The following CAPN15 variants were observed in gnomAD, a reference collection of about 807,000 sequenced individuals.
CAPN15 encodes calpain 15, also known as calpain-15.
A neutral mutation model predicts 97.9 loss-of-function variants in CAPN15; 53 were observed. That is an observed-to-expected ratio of 0.54 (90% CI 0.43 to 0.68). The LOEUF (loss-of-function observed/expected upper bound fraction) is 0.68, where lower values mean the gene tolerates loss of function less well. Ranked by LOEUF, CAPN15 falls within the 30% of genes least tolerant of loss-of-function variation. The pLI is 0.00. For missense variants in CAPN15, 1,592 were observed against 1,589.8 expected, an observed-to-expected ratio of 1.00 and a Z score of -0.02; for synonymous variants, 922 against 722.5, an observed-to-expected ratio of 1.28 and a Z score of -4.43.
At position 552,801 on chromosome 16, in the gene CAPN15, T is replaced by TGGGGGG; in HGVS notation, c.2904+34_2904+35insGGGGGG. 1 of 1,504,546 alleles carries TGGGGGG rather than the reference T, an allele frequency of 6.6e-7. No homozygotes were observed. Among genetic ancestry groups the TGGGGGG allele is most frequent in the Non-Finnish European group, 8.9e-7 (1 of 1,119,170 alleles). 93.2% of individuals were successfully genotyped at this position (1,504,546 alleles called of 1,614,324 possible). A position where few individuals can be genotyped will look rare whatever the true frequency, so the allele number is the denominator to read the frequency against. On this transcript the variant is annotated intron_variant, in intron 12 of 13. Transcript: ENST00000219611. This position sits in a 1 kb window ranked among gnomAD's most constrained non-coding sequence, Gnocchi z 6.4. ...GTGGGGGTCCCGGGGGAGGGTGGCGTGGGGCAGGGGGAGTATGCCCCAGCA... is the reference window on the plus strand; with the variant it reads ...GTGGGGGTCCCGGGGGAGGGTGGCGTGGGGGGGGGGCAGGGGGAGTATGCCCCAGCA...
intron 1 of CAPN15, among the ~76,000 whole-genome samples, chr16:530,633 G>A (rs1241378480): frequency 2.0e-5 from 3 of 152,182 alleles, no homozygotes; most frequent in Admixed American, 6.5e-5. Context: ...GAGACCTCCC[G>A]GTGCGTGGCC....
At chr16:545,327 C>T (rs779374211) in intron 3 of CAPN15, among the ~76,000 whole-genome samples, 1 of 151,970 alleles carries the variant, frequency 6.6e-6, no homozygotes, top group Non-Finnish European at 1.5e-5. Flanking sequence ...GGGGCCCTGC[C>T]GAGGTCTCCC....
rs780136051 is a variant in CAPN15, at chr16:552,417, C to T, written c.2624C>T (p.Ala875Val). 33 of 1,609,550 alleles carry T rather than the reference C, an allele frequency of 2.1e-5. No individual in the cohort carries two copies. The highest frequency in any genetic ancestry group is 1.6e-4 in the Middle Eastern group (1 of 6,080). The change falls in exon 11 of 14, where the codon GCG (alanine) becomes GTG (valine). Residue 875 changes from alanine (A) to valine (V), a missense_variant. By Grantham distance (64) the Ala-to-Val change is moderately conservative (BLOSUM62 0). This residue lies in a region of CAPN15 where 644 missense variants were observed against 699.6 expected (regional missense o/e 0.92). Transcript: ENST00000219611. The surrounding 1 kb of genome is among the most constrained non-coding windows in gnomAD (Gnocchi z 6.4). ...CGCCTCCTGGCCCACAGTAAGCGCG[C>T]GGTCAAGAAGTTCGTCAGCTGCGAC... Reference protein sequence around the residue: ...LGRLLAHSKRAVKKFVSCDVM... With the variant: ...LGRLLAHSKRVVKKFVSCDVM...
Position 536,026 on chromosome 16 carries a change from C to A in CAPN15, c.-136-3C>A. Reference sequence around the variant, plus strand: ...ACGCCCCCCCCCCCCCCCGGTTATTCAGACAGGGAGCCAGGATGGGAACCA... The same window carrying A: ...ACGCCCCCCCCCCCCCCCGGTTATTAAGACAGGGAGCCAGGATGGGAACCA... On this transcript the variant is annotated splice_region_variant and splice_polypyrimidine_tract_variant and intron_variant, in intron 2 of 13. Coordinates refer to ENST00000219611, the MANE Select transcript of CAPN15 (RefSeq NM_005632.3). 3.8e-5 allele frequency: 6 copies of A among 159,778 alleles called. No homozygotes were observed. The highest frequency in any genetic ancestry group is 6.3e-5 in the Non-Finnish European group (6 of 95,246). 9.9% of individuals were successfully genotyped at this position (159,778 alleles called of 1,614,324 possible).
In CAPN15 at chr16:551,921, G is replaced by A. The variant is rs960262337; in HGVS notation, c.2346-130G>A. ...CCTCAGGGATGGGCCCCCGGGGGCC[G>A]GGCTGCAAGAGGACGGTGACGGAGC... On this transcript the variant is annotated intron_variant, in intron 9 of 13. Coordinates refer to ENST00000219611, the MANE Select transcript of CAPN15 (RefSeq NM_005632.3). The A allele has an allele frequency of 5.6e-5, 63 of 1,124,758 alleles. 1 individual carries two copies. The highest frequency in any genetic ancestry group is 9.5e-5 in the South Asian group (7 of 73,714). The allele number at this position is 1,124,758 out of a possible 1,614,324, so 69.7% of individuals were successfully genotyped here.
intron 4 of CAPN15, among the ~76,000 whole-genome samples, chr16:548,537 G>T (rs776448039): frequency 2.4e-4 from 36 of 152,230 alleles, no homozygotes; most frequent in Non-Finnish European, 4.1e-4. Context: ...CTCCACCGTG[G>T]CCAGGAGGGC....
intron 3 of CAPN15, among the ~76,000 whole-genome samples, chr16:544,402 A>G (rs1321186753): frequency 1.3e-5 from 2 of 151,944 alleles, no homozygotes; most frequent in African/African-American, 4.8e-5. Context: ...GACAGAATGC[A>G]GCTTCCTGCT....
chr16:541,607 G>A (rs934647673), intron 3 of CAPN15, among the ~76,000 whole-genome samples: 5 of 152,240 alleles, frequency 3.3e-5, no homozygotes, highest in African/African-American at 1.2e-4. Context: ...GCTTTGTTGA[G>A]GTAGAACTTA....
At chr16:546,732 G>A (rs533014229) in intron 3 of CAPN15, 85 bp from the exon 4 acceptor site, 2 of 1,453,484 alleles carry the variant, frequency 1.4e-6, no homozygotes, top group East Asian at 2.5e-5. Context: ...GCCACAGACG[G>A]GTGCCTTCCC....
rs1188108877 is a variant in CAPN15 at position 552,881 on chromosome 16, T to A, written c.2923T>A (p.Cys975Ser). ...TGCCCAGGGCCGTGAGGGCATGACCTGCTACTACCTGACACACGGTTGGGC... is the reference window on the plus strand; with the variant it reads ...TGCCCAGGGCCGTGAGGGCATGACCAGCTACTACCTGACACACGGTTGGGC... Reference protein sequence around the residue: ...ERHEGREGMTCYYLTHGWAGL... With the variant: ...ERHEGREGMTSYYLTHGWAGL... Residue 975 changes from cysteine (C) to serine (S), a missense_variant, in exon 13 of 14, where the codon TGC becomes AGC. By Grantham distance (112) the Cys-to-Ser change is moderately radical (BLOSUM62 -1). Around this residue, in one of 3 missense-constraint regions of CAPN15, gnomAD observed 644 missense variants for 699.6 expected, o/e 0.92. Transcript: ENST00000219611. The surrounding 1 kb of genome is among the most constrained non-coding windows in gnomAD (Gnocchi z 6.4). The A allele has an allele frequency of 1.3e-6, 2 of 1,594,734 alleles. No individual in the cohort carries two copies. Among genetic ancestry groups the A allele is most frequent in the Non-Finnish European group, 1.7e-6 (2 of 1,168,694 alleles).
chr16:544,413 C>G (rs1019035588), intron 3 of CAPN15, among the ~76,000 whole-genome samples: 1 of 152,030 alleles, frequency 6.6e-6, no homozygotes, highest in East Asian at 1.9e-4. Context: ...GCTTCCTGCT[C>G]CTCACTTTTC....
intron 1 of CAPN15, among the ~76,000 whole-genome samples, chr16:533,598 C>T (rs1222247277): frequency 1.3e-5 from 2 of 152,208 alleles, no homozygotes; most frequent in Non-Finnish European, 2.9e-5. Flanking sequence ...TTGCCCACGG[C>T]CTGCTCCTTG....
chr16:551,367 T>G lies in CAPN15; in HGVS notation c.2132T>G (p.Leu711Arg), dbSNP rs971681518. 4.3e-6 allele frequency: 7 copies of G among 1,610,174 alleles called. No individual in the cohort carries two copies. Among genetic ancestry groups the G allele is most frequent in the Middle Eastern group, 1.7e-4 (1 of 6,056 alleles). ...MKVDDSAYES[L>R]GLRPRHAYSI... Reference sequence around the variant, plus strand: ...GTGGACGATTCGGCCTACGAGAGCCTGGGCCTGCGCCCCCGGCATGCCTAC... The same window carrying G: ...GTGGACGATTCGGCCTACGAGAGCCGGGGCCTGCGCCCCCGGCATGCCTAC... Residue 711 changes from leucine to arginine, a missense_variant, in exon 8 of 14, where the codon CTG becomes CGG. By Grantham distance (102) the Leu-to-Arg change is moderately radical. Transcript: ENST00000219611.
rs1307506199 is a variant in CAPN15, at chr16:551,327, G to A, written c.2092G>A (p.Gly698Arg). The A allele has an allele frequency of 3.1e-6, 5 of 1,605,108 alleles. No individual in the cohort carries two copies. Among genetic ancestry groups the A allele is most frequent in the Non-Finnish European group, 3.4e-6 (4 of 1,175,886 alleles). ...AGFLMGASCG[G>R]GNMKVDDSAY... ...GTTCCTCATGGGTGCCTCCTGTGGC[G>A]GGGGCAACATGAAGGTGGACGATTC... The change falls in exon 8 of 14, where the codon GGG becomes AGG. Residue 698 changes from glycine to arginine, a missense_variant. Coordinates refer to ENST00000219611, the MANE Select transcript of CAPN15 (RefSeq NM_005632.3).
At chr16:551,204 C>T in intron 7 of CAPN15, 98 bp from the exon 8 acceptor site, 2 of 1,424,972 alleles carry the variant, frequency 1.4e-6, no homozygotes, top group East Asian at 2.4e-5. Flanking sequence ...CGGTGAGGGT[C>T]CCCAGTCGGT....
At chr16:551,967 A>G (rs1236373329) in intron 9 of CAPN15, 84 bp from the exon 10 acceptor site, 11 of 1,418,098 alleles carry the variant, frequency 7.8e-6, no homozygotes, top group Non-Finnish European at 1.1e-5. Context: ...TGCTGGGGTC[A>G]CCGGCCTGTG....
intron 2 of CAPN15, 28 bp downstream of exon 2, chr16:534,026 C>T (rs34026420): frequency 0.2 from 195,396 of 978,864 alleles, 20,967 homozygotes; most frequent in Non-Finnish European, 0.22. Flanking sequence ...CCCTGCGGCT[C>T]GTTTATGGGT....
At chr16:532,868 A>C (rs1175735357) in intron 1 of CAPN15, among the ~76,000 whole-genome samples, 1 of 151,006 alleles carries the variant, frequency 6.6e-6, no homozygotes, top group Non-Finnish European at 1.5e-5. Flanking sequence ...AAAAAAAAAA[A>C]AACAGGTGAT....
At position 548,114 on chromosome 16, in the gene CAPN15, G is replaced by T. The variant is rs1283652673; in HGVS notation, c.1276G>T (p.Ala426Ser). 3 of 1,537,136 alleles carry T rather than the reference G, an allele frequency of 2.0e-6. No individual in the cohort carries two copies. Among genetic ancestry groups the T allele is most frequent in the Non-Finnish European group, 2.6e-6 (3 of 1,142,720 alleles). ...CTGCCCTGCCTGTACCCTGCTCAAC[G>T]CACTGCGGGCCAAGCACTGCGCCGC... ...WACPACTLLN[A>S]LRAKHCAACH... Residue 426 changes from alanine to serine, a missense_variant, in exon 4 of 14, where the codon GCA (alanine) becomes TCA (serine). By Grantham distance (99) the Ala-to-Ser change is moderately conservative. Around this residue, in one of 3 missense-constraint regions of CAPN15, gnomAD observed 883 missense variants for 776.6 expected, o/e 1.14. Transcript: ENST00000219611.
Sources: gnomAD v4.1 joint callset for allele counts (sites outside exome capture counted in the v4.1 genomes callset) on GRCh38, gnomAD v4.1.1 for gene constraint, gnomAD v4.1.1 regional missense constraint, Gnocchi (gnomAD v3.1) non-coding constraint, MANE v1.5 for transcripts, NCBI Gene and HGNC (gene_info 2026-07-23, HGNC 2026-07-21) for gene names.